Variants in LINGO2 observed in about 807,000 individuals in gnomAD.
The protein encoded by LINGO2 is leucine rich repeat and Ig domain containing 2, also known as leucine-rich repeat and immunoglobulin-like domain-containing nogo receptor-interacting protein 2.
Under a neutral mutation model 30.6 loss-of-function variants are expected in LINGO2, and 14 were observed. That is an observed-to-expected ratio of 0.46 (90% CI 0.30 to 0.72). LINGO2 has a LOEUF of 0.72. Ranked by LOEUF, LINGO2 falls within the 30% of genes least tolerant of loss-of-function variation. The pLI is 0.07. For missense variants in LINGO2, 729 were observed against 751.7 expected (o/e 0.97, Z 0.35); for synonymous variants, 317 against 288.5 (o/e 1.10, Z -1.00).
intron 4 of LINGO2, among the ~76,000 whole-genome samples, chr9:28,289,709 G>T (rs1479582352): frequency 6.6e-6 from 1 of 152,114 alleles, no homozygotes; most frequent in Non-Finnish European, 1.5e-5. Flanking sequence ...AATATTCAGA[G>T]TTTTGACCTC....
chr9:28,271,056 T>A (rs2134087950), intron 4 of LINGO2, among the ~76,000 whole-genome samples: 1 of 152,170 alleles, frequency 6.6e-6, no homozygotes, highest in East Asian at 1.9e-4. Flanking sequence ...CATCAGTTAT[T>A]AAGCAACCCA....
At chr9:28,103,582 C>T (rs1221446317) in intron 4 of LINGO2, among the ~76,000 whole-genome samples, 1 of 152,150 alleles carries the variant, frequency 6.6e-6, no homozygotes, top group East Asian at 1.9e-4. Flanking sequence ...AGCAGAACTG[C>T]CACACTGACC....
At chr9:28,351,314 G>GAAAAAT (rs1170913189) in intron 3 of LINGO2, among the ~76,000 whole-genome samples, 2 of 140,586 alleles carry the variant, frequency 1.4e-5, no homozygotes, top group African/African-American at 5.2e-5. Context: ...ATGATAAAGG[G>GAAAAAT]GATATCACCA....
the LINGO2 span, among the ~76,000 whole-genome samples, chr9:28,935,511 C>A: frequency 1.2e-3 from 185 of 152,096 alleles, 1 homozygote; most frequent in African/African-American, 4.2e-3. Flanking sequence ...AACTAGAAAT[C>A]TATTTTTCAT....
chr9:28,167,163 C>A (rs1828454265), intron 4 of LINGO2, among the ~76,000 whole-genome samples: 1 of 125,052 alleles, frequency 8.0e-6, no homozygotes. Context: ...CTTTTCTTTT[C>A]TCCAGCTTTC....
chr9:28,609,471 T>C (rs1825823889), intron 1 of LINGO2, among the ~76,000 whole-genome samples: 1 of 151,864 alleles, frequency 6.6e-6, no homozygotes, highest in Admixed American at 6.6e-5. Context: ...AAGCAATTCA[T>C]GAAAGCAAAA....
chr9:29,112,319 T>G, the LINGO2 span, among the ~76,000 whole-genome samples: 4 of 152,264 alleles, frequency 2.6e-5, no homozygotes, highest in African/African-American at 9.6e-5. Context: ...TGCAATTTTT[T>G]GGGCTCCAGC....
intron 4 of LINGO2, among the ~76,000 whole-genome samples, chr9:28,017,930 G>C (rs1459195819): frequency 6.6e-6 from 1 of 152,092 alleles, no homozygotes; most frequent in Non-Finnish European, 1.5e-5. Context: ...AAAGCTGGAG[G>C]CATCACACGA....
At chr9:28,426,129 C>A (rs995816822) in intron 2 of LINGO2, among the ~76,000 whole-genome samples, 1 of 151,892 alleles carries the variant, frequency 6.6e-6, no homozygotes, top group African/African-American at 2.4e-5. Context: ...GATAAAATGG[C>A]AGATTAACAG....
chr9:28,360,463 C>G (rs543481225), intron 3 of LINGO2, among the ~76,000 whole-genome samples: 9 of 152,228 alleles, frequency 5.9e-5, no homozygotes, highest in African/African-American at 1.9e-4. Flanking sequence ...TACAAACTGC[C>G]CCATGTCCTT....
At chr9:28,003,249 C>T (rs1822054616) in intron 5 of LINGO2, among the ~76,000 whole-genome samples, 1 of 152,024 alleles carries the variant, frequency 6.6e-6, no homozygotes, top group Non-Finnish European at 1.5e-5. Context: ...TAATTCACTA[C>T]AACAACTGCT....
the LINGO2 span, among the ~76,000 whole-genome samples, chr9:28,703,911 T>C: frequency 8.6e-5 from 13 of 151,992 alleles, no homozygotes; most frequent in Non-Finnish European, 1.8e-4. Flanking sequence ...CACTAATACA[T>C]GAGTTCTGTT....
chr9:28,749,382 T>A, the LINGO2 span, among the ~76,000 whole-genome samples: 1 of 152,072 alleles, frequency 6.6e-6, no homozygotes, highest in African/African-American at 2.4e-5. Context: ...GACTTGGAAA[T>A]GTACATTTAA....
At chr9:27,978,395 C>T (rs966699775) in intron 5 of LINGO2, among the ~76,000 whole-genome samples, 1 of 151,976 alleles carries the variant, frequency 6.6e-6, no homozygotes, top group Admixed American at 6.6e-5. Flanking sequence ...AATCCTAACC[C>T]CCAAGGTGAT....
At chr9:28,818,133 G>A in the LINGO2 span, among the ~76,000 whole-genome samples, 1 of 152,140 alleles carries the variant, frequency 6.6e-6, no homozygotes, top group Non-Finnish European at 1.5e-5. Context: ...TCAGAACTAA[G>A]ACCTGGTTAA....
chr9:28,085,598 C>A (rs1488910672), intron 4 of LINGO2, among the ~76,000 whole-genome samples: 1 of 152,038 alleles, frequency 6.6e-6, no homozygotes, highest in Admixed American at 6.6e-5. Context: ...GGAACCACTG[C>A]TGGCCATTCT....
At chr9:29,058,316 T>C in the LINGO2 span, among the ~76,000 whole-genome samples, 1 of 152,076 alleles carries the variant, frequency 6.6e-6, no homozygotes, top group African/African-American at 2.4e-5. Context: ...AAAACATCAC[T>C]GGCTGCATTT....
intron 1 of LINGO2, among the ~76,000 whole-genome samples, chr9:28,527,025 CTA>C (rs1587808193): frequency 2.6e-5 from 4 of 152,102 alleles, no homozygotes; most frequent in Admixed American, 6.6e-5. Flanking sequence ...TTAATTGACT[CTA>C]AATCACTCTG....
chr9:29,171,678 A>G, the LINGO2 span, among the ~76,000 whole-genome samples: 1 of 151,968 alleles, frequency 6.6e-6, no homozygotes, highest in Non-Finnish European at 1.5e-5. Flanking sequence ...ATTCAATATA[A>G]TAAGGTAGAG....
Sources: allele counts gnomAD v4.1 joint callset (sites outside exome capture counted in the v4.1 genomes callset), GRCh38; gene constraint gnomAD v4.1.1; transcripts MANE v1.5; gene names NCBI Gene and HGNC (gene_info 2026-07-23, HGNC 2026-07-21).